The following SLTM variants were observed in gnomAD, a reference collection of about 807,000 sequenced individuals.
SLTM encodes the protein SAFB like transcription modulator, also known as SAFB-like transcription modulator.
In SLTM, 43 loss-of-function variants were observed where a neutral mutation model predicts 134.6. That is an observed-to-expected ratio of 0.32 (90% confidence interval 0.25 to 0.41). The LOEUF is 0.41. Among genes scored for constraint, SLTM ranks in the 10% least tolerant of loss-of-function variants. The pLI is 1.00. For missense variants in SLTM, 1,055 were observed against 1,288.8 expected (o/e 0.82, Z 2.78); for synonymous variants, 424 against 432.3 (o/e 0.98, Z 0.24).
rs2034240795 is a variant in SLTM, at chr15:58,886,731, T to C, written c.2835+244A>G. 2.0e-5 allele frequency among the ~76,000 whole-genome samples: 3 copies of C among 152,194 alleles called. No individual in the cohort carries two copies. The South Asian group carries it at 6.2e-4, about 31-fold the overall frequency. On this transcript the variant is annotated intron_variant, in intron 19 of 20. Transcript: ENST00000380516. ...CAATTCTTAAATTTCACTGGGAAGT[T>C]TAATCGAAATGGAGTATTTCAAGGC...
At chr15:58,907,345 G>A (rs1424272028) in intron 5 of SLTM, among the ~76,000 whole-genome samples, 4 of 152,224 alleles carry the variant, frequency 2.6e-5, no homozygotes, top group African/African-American at 9.6e-5. Flanking sequence ...ATTAAAGCCA[G>A]GCATGATGGC....
At chr15:58,907,696 T>A (rs376010346) in intron 5 of SLTM, among the ~76,000 whole-genome samples, 2 of 152,306 alleles carry the variant, frequency 1.3e-5, no homozygotes, top group South Asian at 4.1e-4. Flanking sequence ...ACTTCTCAAG[T>A]AAGCAGTATA....
intron 2 of SLTM, among the ~76,000 whole-genome samples, chr15:58,927,461 G>T (rs1406436270): frequency 6.6e-6 from 1 of 152,136 alleles, no homozygotes; most frequent in African/African-American, 2.4e-5. Flanking sequence ...AGTAAAAACG[G>T]GGTTTCACCA....
chr15:58,933,347 C>T, intron 1 of SLTM, 57 bp downstream of exon 1: 1 of 1,501,382 alleles, frequency 6.7e-7, no homozygotes, highest in Non-Finnish European at 8.9e-7. Flanking sequence ...AAGCGGGGCG[C>T]CGAGGCGCGG....
intron 4 of SLTM, 200 bp from the exon 5 acceptor site, chr15:58,912,810 A>C: frequency 2.0e-6 from 1 of 510,010 alleles, no homozygotes; most frequent in Non-Finnish European, 3.5e-6. Context: ...AGAATTAGAA[A>C]TATTTCTCTT....
rs1233684754 is a variant in SLTM at position 58,899,492 on chromosome 15, A to G, written c.1035T>C (p.Thr345=). 3 of 1,613,928 alleles carry G rather than the reference A, an allele frequency of 1.9e-6. No homozygotes were observed. Among genetic ancestry groups the G allele is most frequent in the Non-Finnish European group, 2.5e-6 (3 of 1,179,920 alleles). ...KDTLKKGPSS[T]GASGQAKSSS... is the part of the protein sequence containing the mutation. ...ACCTCTTTGCTTGACCAGAGGCCCC[A>G]GTAGACGAGGGCCCTTTCTTCAAAG... Residue 345 remains threonine (T), a synonymous_variant, in exon 7 of 21, where the codon ACT becomes ACC. Coordinates refer to ENST00000380516, the MANE Select transcript of SLTM (RefSeq NM_024755.4). This position sits in a 1 kb window ranked among gnomAD's most constrained non-coding sequence, Gnocchi z 5.0.
At chr15:58,932,509 G>GA (rs1298381627) in intron 1 of SLTM, 66 bp from the exon 2 acceptor site, 16 of 1,284,942 alleles carry the variant, frequency 1.2e-5, no homozygotes, top group Non-Finnish European at 1.5e-5. Context: ...AAAACGAAAT[G>GA]AAAAAAAATT....
intron 2 of SLTM, among the ~76,000 whole-genome samples, chr15:58,930,649 G>A (rs1450982493): frequency 1.3e-5 from 2 of 151,314 alleles, no homozygotes; most frequent in South Asian, 4.2e-4. Context: ...AGGAGTTTGA[G>A]GCTGCAAAGA....
intron 5 of SLTM, among the ~76,000 whole-genome samples, chr15:58,906,631 AAC>A (rs2035884963): frequency 6.6e-6 from 1 of 152,190 alleles, no homozygotes; most frequent in Non-Finnish European, 1.5e-5. Flanking sequence ...TTGAAATGTA[AAC>A]ACTGTATTCA....
chr15:58,893,780 T>C (rs1207220372), intron 12 of SLTM, 41 bp downstream of exon 12: 3 of 1,559,512 alleles, frequency 1.9e-6, no homozygotes, highest in African/African-American at 1.4e-5. Flanking sequence ...AATTAAGTAG[T>C]AGAATGCATT....
rs2034861938 is a variant in SLTM at position 58,893,857 on chromosome 15, C to T, written c.1612G>A (p.Glu538Lys). ...TTTTCTTCACTTTTTTTAATCGATT[C>T]TGATGTTTGGCCACTTGCTCCATTA... ...NDNGASGQTS[E>K]SIKKSEEKKR... The change falls in exon 12 of 21, where the codon GAA (glutamate) becomes AAA (lysine). Residue 538 changes from glutamate (E) to lysine (K), a missense_variant. Transcript: ENST00000380516. 6.2e-7 allele frequency: 1 copy of T among 1,612,738 alleles called. No individual in the cohort carries two copies. Among genetic ancestry groups the T allele is most frequent in the African/African-American group, 1.3e-5 (1 of 74,912 alleles).
At chr15:58,894,711 T>TG (rs1274947147) in intron 9 of SLTM, 129 bp from the exon 10 acceptor site, 9 of 940,610 alleles carry the variant, frequency 9.6e-6, no homozygotes, top group African/African-American at 5.1e-5. Flanking sequence ...TCATGTTTTT[T>TG]TTTTTTTTTT....
chr15:58,925,752 C>T (rs187572337), intron 2 of SLTM, among the ~76,000 whole-genome samples: 2 of 152,046 alleles, frequency 1.3e-5, no homozygotes, highest in African/African-American at 2.4e-5. Flanking sequence ...TAAAGATGAA[C>T]AGAATAAACA....
intron 19 of SLTM, among the ~76,000 whole-genome samples, chr15:58,884,388 G>A (rs1035375496): frequency 2.6e-5 from 4 of 151,880 alleles, no homozygotes; most frequent in Non-Finnish European, 5.9e-5. Flanking sequence ...GCGCGATCTC[G>A]GCTCACTGCA....
At chr15:58,889,351 T>C in intron 16 of SLTM, 79 bp downstream of exon 16, 1 of 1,561,634 alleles carries the variant, frequency 6.4e-7, no homozygotes, top group Non-Finnish European at 8.7e-7. Context: ...TGGGAGCCTG[T>C]ACTTTCTAAT....
intron 2 of SLTM, chr15:58,921,604 A>C (rs1335349911): frequency 4.7e-5 from 21 of 442,410 alleles, no homozygotes; most frequent in Non-Finnish European, 9.1e-5. Flanking sequence ...CATTAGGACA[A>C]GATTGTCAAA....
chr15:58,894,384 A>G, intron 10 of SLTM, 49 bp downstream of exon 10: 1 of 1,606,820 alleles, frequency 6.2e-7, no homozygotes, highest in Non-Finnish European at 8.5e-7. Flanking sequence ...TGAGTTGAGA[A>G]CTAGCCATCA....
intron 9 of SLTM, among the ~76,000 whole-genome samples, chr15:58,895,952 C>T (rs765345899): frequency 2.0e-5 from 3 of 152,120 alleles, no homozygotes; most frequent in Non-Finnish European, 4.4e-5. Flanking sequence ...TATCTGAAAG[C>T]CTATCATGTG....
chr15:58,901,162 C>A, intron 6 of SLTM, 98 bp downstream of exon 6: 1 of 928,902 alleles, frequency 1.1e-6, no homozygotes. Flanking sequence ...TGAAAATAAA[C>A]TAATTTCAAA....
Sources: gnomAD v4.1 joint callset for allele counts (sites outside exome capture counted in the v4.1 genomes callset) on GRCh38, gnomAD v4.1.1 for gene constraint, Gnocchi (gnomAD v3.1) non-coding constraint, MANE v1.5 for transcripts, NCBI Gene and HGNC (gene_info 2026-07-23, HGNC 2026-07-21) for gene names.